The following CNTNAP2 variants were observed in gnomAD, a reference collection of about 807,000 sequenced individuals.
CNTNAP2 encodes contactin associated protein 2.
Under a neutral mutation model 155.2 loss-of-function variants are expected in CNTNAP2, and 98 were observed. That is an observed-to-expected ratio of 0.63 (90% CI 0.54 to 0.75). The LOEUF is 0.75. Ranked by LOEUF, CNTNAP2 falls within the 30% of genes least tolerant of loss-of-function variation. The pLI, the probability that CNTNAP2 is intolerant of heterozygous loss-of-function variation, is 0.00. For synonymous variants in CNTNAP2, 651 were observed against 631.2 expected, an observed-to-expected ratio of 1.03 and a Z score of -0.47; for missense variants, 1,727 against 1,688.1, an observed-to-expected ratio of 1.02 and a Z score of -0.40.
At chr7:147,508,702 C>T (rs1798959650) in intron 11 of CNTNAP2, among the ~76,000 whole-genome samples, 2 of 152,080 alleles carry the variant, frequency 1.3e-5, no homozygotes, top group African/African-American at 4.8e-5. Flanking sequence ...GCAGATTTTC[C>T]CGTGCTGTTC....
At chr7:148,303,312 G>A (rs999351741) in intron 21 of CNTNAP2, among the ~76,000 whole-genome samples, 1 of 152,166 alleles carries the variant, frequency 6.6e-6, no homozygotes, top group African/African-American at 2.4e-5. Context: ...CAGGGGTCAT[G>A]CAGAGCTAAG....
chr7:147,195,897 T>G (rs1003935091), intron 8 of CNTNAP2, among the ~76,000 whole-genome samples: 1 of 152,146 alleles, frequency 6.6e-6, no homozygotes, highest in African/African-American at 2.4e-5. Flanking sequence ...ACCACAACAT[T>G]TATATTAAAG....
chr7:146,285,768 C>T (rs1800319242), intron 1 of CNTNAP2, among the ~76,000 whole-genome samples: 1 of 7,220 alleles, frequency 1.4e-4, no homozygotes, highest in African/African-American at 5.5e-4. Flanking sequence ...CCCCTCCCCC[C>T]TCCCTTCCCC....
intron 20 of CNTNAP2, among the ~76,000 whole-genome samples, chr7:148,249,698 C>T (rs193057176): frequency 7.7e-4 from 118 of 152,316 alleles, no homozygotes; most frequent in African/African-American, 2.7e-3. Flanking sequence ...ATGGCAACTC[C>T]ATCCTTCCAG....
At chr7:146,639,679 G>C (rs1322409335) in intron 1 of CNTNAP2, among the ~76,000 whole-genome samples, 1 of 152,198 alleles carries the variant, frequency 6.6e-6, no homozygotes, top group Non-Finnish European at 1.5e-5. Context: ...AAAAATGACA[G>C]TAGTTAGCAA....
At chr7:148,211,830 C>A (rs1391469314) in intron 18 of CNTNAP2, among the ~76,000 whole-genome samples, 1 of 152,162 alleles carries the variant, frequency 6.6e-6, no homozygotes, top group Non-Finnish European at 1.5e-5. Flanking sequence ...GGCAAACTCA[C>A]CATCATTTAA....
At chr7:146,301,154 A>G (rs1800601949) in intron 1 of CNTNAP2, among the ~76,000 whole-genome samples, 1 of 152,208 alleles carries the variant, frequency 6.6e-6, no homozygotes, top group South Asian at 2.1e-4. Context: ...TTATAATAAT[A>G]CAATTTAGGG....
chr7:147,232,328 G>A, intron 8 of CNTNAP2, among the ~76,000 whole-genome samples: 1 of 152,166 alleles, frequency 6.6e-6, no homozygotes, highest in East Asian at 1.9e-4. Context: ...TCACAGAAAT[G>A]CCACAGAAAA....
At chr7:148,169,851 TG>T (rs1805744226) in intron 17 of CNTNAP2, among the ~76,000 whole-genome samples, 1 of 151,942 alleles carries the variant, frequency 6.6e-6, no homozygotes, top group South Asian at 2.1e-4. Context: ...TCCCAGCTAC[TG>T]GGGAGGCTGA....
intron 1 of CNTNAP2, among the ~76,000 whole-genome samples, chr7:146,483,960 A>G (rs1038293614): frequency 7.2e-5 from 11 of 152,294 alleles, no homozygotes; most frequent in Middle Eastern, 3.4e-3. Context: ...ACATTCACCC[A>G]CCACCCACTC....
intron 8 of CNTNAP2, among the ~76,000 whole-genome samples, chr7:147,139,814 CTT>C (rs1448273001): frequency 6.6e-6 from 1 of 152,030 alleles, no homozygotes; most frequent in Admixed American, 6.6e-5. Flanking sequence ...TTCTTAGTCT[CTT>C]TCCTTTCTTC....
chr7:146,774,727 A>G (rs1371706989), intron 2 of CNTNAP2, among the ~76,000 whole-genome samples: 1 of 152,292 alleles, frequency 6.6e-6, no homozygotes, highest in Non-Finnish European at 1.5e-5. Context: ...GACTCCCAAA[A>G]TGCGTACGGT....
At chr7:146,665,040 C>A (rs1003243791) in intron 1 of CNTNAP2, among the ~76,000 whole-genome samples, 3 of 152,058 alleles carry the variant, frequency 2.0e-5, no homozygotes, top group African/African-American at 7.2e-5. Flanking sequence ...CTTCTACCTC[C>A]CAGGTTCAAG....
intron 3 of CNTNAP2, among the ~76,000 whole-genome samples, chr7:146,887,564 C>T (rs2129210745): frequency 6.6e-6 from 1 of 152,132 alleles, no homozygotes; most frequent in East Asian, 1.9e-4. Context: ...ATCAGTTTTT[C>T]TTTCACATTA....
At chr7:147,252,065 G>A (rs1348243848) in intron 8 of CNTNAP2, among the ~76,000 whole-genome samples, 1 of 152,174 alleles carries the variant, frequency 6.6e-6, no homozygotes. Flanking sequence ...TCTCAGAGAA[G>A]ATGATTATAA....
At chr7:147,738,012 T>C (rs538475799) in intron 13 of CNTNAP2, among the ~76,000 whole-genome samples, 1 of 152,302 alleles carries the variant, frequency 6.6e-6, no homozygotes, top group Admixed American at 6.5e-5. Context: ...CTCGGTGCCC[T>C]GCACCCACTG....
At chr7:147,168,303 A>G (rs1292725271) in intron 8 of CNTNAP2, among the ~76,000 whole-genome samples, 1 of 151,776 alleles carries the variant, frequency 6.6e-6, no homozygotes, top group Non-Finnish European at 1.5e-5. Context: ...GGTCTTGTCA[A>G]TGTAGACATT....
At chr7:147,116,052 G>A (rs1256596192) in intron 5 of CNTNAP2, among the ~76,000 whole-genome samples, 1 of 152,088 alleles carries the variant, frequency 6.6e-6, no homozygotes. Context: ...CCCTGTAGAA[G>A]TCTGGCCACT....
intron 1 of CNTNAP2, among the ~76,000 whole-genome samples, chr7:146,639,545 C>G (rs1799669676): frequency 6.6e-6 from 1 of 152,148 alleles, no homozygotes; most frequent in African/African-American, 2.4e-5. Flanking sequence ...ATTTTCTTAC[C>G]TCTCACTACC....
Sources: gnomAD v4.1 joint callset for allele counts (sites outside exome capture counted in the v4.1 genomes callset) on GRCh38, gnomAD v4.1.1 for gene constraint, MANE v1.5 for transcripts, NCBI Gene and HGNC (gene_info 2026-07-23, HGNC 2026-07-21) for gene names.